The following XIRP2 variants were observed in gnomAD, a reference collection of about 807,000 sequenced individuals.
XIRP2 encodes xin actin binding repeat containing 2, also known as xin actin-binding repeat-containing protein 2.
In XIRP2, 236 loss-of-function variants were observed where a neutral mutation model predicts 277.0. The observed-to-expected ratio is 0.85, with a 90% CI of 0.77 to 0.95. XIRP2 has a LOEUF of 0.95. XIRP2 is among the 40% of genes least tolerant of loss of function. The pLI, the probability that XIRP2 is intolerant of heterozygous loss-of-function variation, is 0.00. For missense variants in XIRP2, 4,640 were observed against 4,157.5 expected, an observed-to-expected ratio of 1.12 and a Z score of -3.19; for synonymous variants, 1,490 against 1,416.5, an observed-to-expected ratio of 1.05 and a Z score of -1.17.
intron 3 of XIRP2, among the ~76,000 whole-genome samples, chr2:167,191,235 AG>A: frequency 6.6e-6 from 1 of 151,906 alleles, no homozygotes; most frequent in Non-Finnish European, 1.5e-5. Context: ...AGAAAAGAAA[AG>A]AAAAGACATT....
intron 2 of XIRP2, among the ~76,000 whole-genome samples, chr2:166,994,632 C>G (rs1687158423): frequency 7.5e-6 from 1 of 133,576 alleles, no homozygotes; most frequent in African/African-American, 3.0e-5. Flanking sequence ...TACGTTGAAT[C>G]CATTCTTCAA....
intron 2 of XIRP2, among the ~76,000 whole-genome samples, chr2:166,995,939 C>G (rs1574144450): frequency 6.6e-6 from 1 of 152,144 alleles, no homozygotes; most frequent in Non-Finnish European, 1.5e-5. Flanking sequence ...TCATCCTTTA[C>G]TTTTCAAGAT....
chr2:167,184,778 A>G (rs552853994), intron 3 of XIRP2: 1 of 620,988 alleles, frequency 1.6e-6, no homozygotes, highest in Non-Finnish European at 2.9e-6. Context: ...CCTGATGCTA[A>G]TTACTAGCAT....
chr2:167,080,979 T>C (rs1689711844), intron 2 of XIRP2, among the ~76,000 whole-genome samples: 1 of 152,162 alleles, frequency 6.6e-6, no homozygotes, highest in Non-Finnish European at 1.5e-5. Flanking sequence ...ATGTTCCATA[T>C]AATTATTATT....
At chr2:166,949,528 T>A (rs568908362) in intron 2 of XIRP2, among the ~76,000 whole-genome samples, 2 of 152,216 alleles carry the variant, frequency 1.3e-5, no homozygotes, top group East Asian at 3.9e-4. Context: ...TTGCCTTTTC[T>A]TTCTCACTTG....
chr2:167,257,707 T>C (rs1695699728), intron 10 of XIRP2, 150 bp from the exon 11 acceptor site: 6 of 705,472 alleles, frequency 8.5e-6, no homozygotes, highest in South Asian at 2.0e-5. Flanking sequence ...GTGGTAATAT[T>C]ATCTAACAGA....
intron 2 of XIRP2, among the ~76,000 whole-genome samples, chr2:166,986,817 G>A (rs113388564): frequency 5.9e-5 from 9 of 152,194 alleles, no homozygotes; most frequent in Non-Finnish European, 1.3e-4. Context: ...ACCAGAGGAT[G>A]CACAGCATAA....
intron 2 of XIRP2, among the ~76,000 whole-genome samples, chr2:167,125,466 G>A (rs1691174395): frequency 6.6e-6 from 1 of 152,176 alleles, no homozygotes; most frequent in African/African-American, 2.4e-5. Context: ...GTCCACCACT[G>A]TCTTAAGTGT....
At chr2:167,227,767 G>A (rs1318320511) in intron 5 of XIRP2, among the ~76,000 whole-genome samples, 5 of 151,990 alleles carry the variant, frequency 3.3e-5, no homozygotes, top group African/African-American at 1.2e-4. Context: ...AGGAAAATAT[G>A]TTAAAACATT....
At chr2:167,148,508 G>T (rs951803852) in intron 3 of XIRP2, among the ~76,000 whole-genome samples, 1 of 148,406 alleles carries the variant, frequency 6.7e-6, no homozygotes, top group Admixed American at 6.7e-5. Flanking sequence ...AGGAAGGGAG[G>T]GAGGGAGGGA....
In XIRP2 at chr2:167,248,586, A is replaced by G. The variant is rs1193928087; in HGVS notation, c.7194A>G (p.Gln2398=). 4.3e-6 allele frequency: 7 copies of G among 1,613,774 alleles called. No individual in the cohort carries two copies. Among genetic ancestry groups the G allele is most frequent in the Non-Finnish European group, 5.1e-6 (6 of 1,179,826 alleles). ...GAGACTTCATGCAACAATATTCCCA[A>G]AAAGAAGCCTCGAACTCTCAGAATT... ...HSGDFMQQYS[Q]KEASNSQNSQ... is the part of the protein sequence containing the mutation. The change falls in exon 9 of 11, where the codon CAA becomes CAG. Residue 2398 remains glutamine (Q), a synonymous_variant. Transcript: ENST00000409195.
At chr2:167,223,079 C>G (rs1331810285) in intron 5 of XIRP2, among the ~76,000 whole-genome samples, 3 of 152,156 alleles carry the variant, frequency 2.0e-5, no homozygotes, top group Non-Finnish European at 1.5e-5. Flanking sequence ...CATTCTCACA[C>G]TTAGGATTTG....
intron 2 of XIRP2, among the ~76,000 whole-genome samples, chr2:167,064,162 T>C (rs1689241238): frequency 2.6e-5 from 4 of 151,832 alleles, no homozygotes; most frequent in Admixed American, 2.6e-4. Context: ...TATTTTAATA[T>C]TCATATGCAT....
At chr2:166,949,535 C>G (rs1025107553) in intron 2 of XIRP2, among the ~76,000 whole-genome samples, 7 of 152,084 alleles carry the variant, frequency 4.6e-5, no homozygotes, top group Non-Finnish European at 8.8e-5. Context: ...TTCTTTCTCA[C>G]TTGTTTCTAG....
intron 3 of XIRP2, among the ~76,000 whole-genome samples, chr2:167,136,356 A>G (rs766783884): frequency 4.6e-5 from 7 of 152,156 alleles, no homozygotes; most frequent in Non-Finnish European, 1.0e-4. Flanking sequence ...CCATAATCTG[A>G]CTTTAACTTT....
intron 2 of XIRP2, among the ~76,000 whole-genome samples, chr2:166,982,259 G>T (rs1233952284): frequency 9.4e-5 from 14 of 149,188 alleles, no homozygotes; most frequent in African/African-American, 3.4e-4. Flanking sequence ...TTTTCTAAGT[G>T]CATCAGGTTT....
At chr2:167,113,762 G>A (rs951226683) in intron 2 of XIRP2, among the ~76,000 whole-genome samples, 1 of 152,156 alleles carries the variant, frequency 6.6e-6, no homozygotes, top group Non-Finnish European at 1.5e-5. Flanking sequence ...GTGTGTTTTT[G>A]TAGTGTCTGG....
At chr2:167,092,423 A>G (rs567256551) in intron 2 of XIRP2, among the ~76,000 whole-genome samples, 1 of 152,246 alleles carries the variant, frequency 6.6e-6, no homozygotes, top group South Asian at 2.1e-4. Flanking sequence ...CATTACACAG[A>G]GCTACACAAT....
intron 1 of XIRP2, among the ~76,000 whole-genome samples, chr2:166,898,045 G>A (rs899472812): frequency 1.3e-5 from 2 of 152,204 alleles, no homozygotes; most frequent in African/African-American, 2.4e-5. Context: ...GAAGAGAGCT[G>A]TAGAGAAGTT....
Sources: gnomAD v4.1 joint callset for allele counts (sites outside exome capture counted in the v4.1 genomes callset) on GRCh38, gnomAD v4.1.1 for gene constraint, MANE v1.5 for transcripts, NCBI Gene and HGNC (gene_info 2026-07-23, HGNC 2026-07-21) for gene names.